Variants in SPAG16 observed in about 807,000 individuals in gnomAD.
The protein encoded by SPAG16 is sperm associated antigen 16, also known as sperm-associated antigen 16 protein.
Under a neutral mutation model 80.4 loss-of-function variants are expected in SPAG16, and 86 were observed. The ratio of observed to expected loss-of-function variants is 1.07; its 90% confidence interval spans 0.90 to 1.28. The LOEUF is 1.28. SPAG16 is among the 50% of genes most tolerant of loss of function. The probability of loss-of-function intolerance (pLI) is 0.00; values close to 1 mark genes in which losing one functional copy is unlikely to be tolerated. For synonymous variants in SPAG16, 294 were observed against 265.9 expected, an observed-to-expected ratio of 1.11 and a Z score of -1.03; for missense variants, 870 against 765.3, an observed-to-expected ratio of 1.14 and a Z score of -1.61.
intron 10 of SPAG16, among the ~76,000 whole-genome samples, chr2:213,788,017 A>G (rs2070449498): frequency 6.6e-6 from 1 of 152,022 alleles, no homozygotes. Context: ...TGTTGTTGAT[A>G]GGACAATTGG....
intron 9 of SPAG16, among the ~76,000 whole-genome samples, chr2:213,435,854 G>A (rs371894831): frequency 9.2e-5 from 14 of 152,234 alleles, no homozygotes; most frequent in African/African-American, 3.4e-4. Flanking sequence ...TAATATATAT[G>A]CCAAGGCTGT....
chr2:213,901,369 C>T (rs10182880), intron 11 of SPAG16, among the ~76,000 whole-genome samples: 2 of 151,828 alleles, frequency 1.3e-5, no homozygotes, highest in African/African-American at 2.4e-5. Flanking sequence ...AAGGCCTGAA[C>T]GCATTTCACC....
chr2:214,375,926 A>G (rs886983077), intron 15 of SPAG16, among the ~76,000 whole-genome samples: 2 of 151,932 alleles, frequency 1.3e-5, no homozygotes, highest in Non-Finnish European at 2.9e-5. Context: ...TTGTTTTACA[A>G]TTGATAGTGT....
intron 15 of SPAG16, among the ~76,000 whole-genome samples, chr2:214,236,325 T>G (rs1689072839): frequency 1.3e-5 from 2 of 152,170 alleles, no homozygotes; most frequent in African/African-American, 4.8e-5. Context: ...GAATTACTAT[T>G]ACAAGGAAAC....
intron 10 of SPAG16, among the ~76,000 whole-genome samples, chr2:213,584,830 A>C (rs935549490): frequency 6.6e-6 from 1 of 152,168 alleles, no homozygotes; most frequent in African/African-American, 2.4e-5. Flanking sequence ...TAGTGAGTCC[A>C]ACTAGCATGC....
intron 10 of SPAG16, among the ~76,000 whole-genome samples, chr2:213,766,042 C>T (rs2068922260): frequency 6.6e-6 from 1 of 152,232 alleles, no homozygotes; most frequent in Admixed American, 6.5e-5. Flanking sequence ...AGCTTCGTGG[C>T]TTTAACGCTA....
intron 15 of SPAG16, among the ~76,000 whole-genome samples, chr2:214,266,771 C>T (rs191542929): frequency 3.3e-5 from 5 of 150,660 alleles, no homozygotes; most frequent in African/African-American, 7.3e-5. Flanking sequence ...TACAAAAAAT[C>T]GGTAATGTTT....
intron 11 of SPAG16, among the ~76,000 whole-genome samples, chr2:213,904,288 AT>A (rs2077343639): frequency 6.6e-6 from 1 of 152,184 alleles, no homozygotes; most frequent in Non-Finnish European, 1.5e-5. Context: ...AAGAGGTTTA[AT>A]TGGACTTACA....
intron 9 of SPAG16, among the ~76,000 whole-genome samples, chr2:213,421,790 G>A (rs1002777953): frequency 3.3e-5 from 5 of 152,148 alleles, no homozygotes; most frequent in African/African-American, 1.2e-4. Flanking sequence ...CCTGCCTGCA[G>A]ATAGGAGCTA....
At chr2:213,616,940 G>GA (rs955389978) in intron 10 of SPAG16, among the ~76,000 whole-genome samples, 10 of 152,146 alleles carry the variant, frequency 6.6e-5, no homozygotes, top group Non-Finnish European at 4.4e-5. Context: ...ACCACAACAT[G>GA]AAAAATCTGT....
intron 10 of SPAG16, among the ~76,000 whole-genome samples, chr2:213,761,872 CAAAAAT>C (rs1210731927): frequency 1.8e-4 from 23 of 129,172 alleles, no homozygotes; most frequent in Non-Finnish European, 3.2e-4. Context: ...TGTCAAAAAA[CAAAAAT>C]AAAAACAAAA....
intron 10 of SPAG16, among the ~76,000 whole-genome samples, chr2:213,579,490 A>T (rs1431925829): frequency 6.6e-6 from 1 of 152,184 alleles, no homozygotes; most frequent in Non-Finnish European, 1.5e-5. Context: ...GACAATTCTC[A>T]TTAATTTTCA....
At chr2:214,310,075 C>G (rs1416177345) in intron 15 of SPAG16, among the ~76,000 whole-genome samples, 1 of 151,518 alleles carries the variant, frequency 6.6e-6, no homozygotes, top group Non-Finnish European at 1.5e-5. Flanking sequence ...GTAGTGTGAT[C>G]TTTTGGAGGT....
chr2:213,643,982 T>A (rs140558437), intron 10 of SPAG16, among the ~76,000 whole-genome samples: 2,525 of 151,128 alleles, frequency 0.017, 68 homozygotes, highest in African/African-American at 0.057. Context: ...AGTTTCACCA[T>A]GTTGGCCAGG....
intron 12 of SPAG16, among the ~76,000 whole-genome samples, chr2:213,997,989 A>G (rs1258426157): frequency 2.6e-5 from 4 of 152,222 alleles, no homozygotes; most frequent in Non-Finnish European, 5.9e-5. Context: ...TAAAGTCAGA[A>G]ATTTCAGTTA....
rs61092508 is a variant in SPAG16, at chr2:213,816,783, T to C, written c.1071-45702T>C. ...CAATGCTATGTTCATGGATTAAAAA[T>C]ATGCATAATTTCATATTTTATTCCC... On this transcript the variant is annotated intron_variant, in intron 10 of 15. Transcript: ENST00000331683. Among the ~76,000 whole-genome samples, 266 of 152,208 alleles carry C rather than the reference T, an allele frequency of 1.7e-3. 2 individuals are homozygous for C. The highest frequency in any genetic ancestry group is 6.0e-3 in the African/African-American group (250 of 41,534).
At chr2:213,299,628 G>A (rs541249565) in intron 3 of SPAG16, among the ~76,000 whole-genome samples, 170 of 152,064 alleles carry the variant, frequency 1.1e-3, no homozygotes, top group Non-Finnish European at 2.1e-3. Flanking sequence ...AAATATTTGA[G>A]AATTGATTGC....
rs183395780 is a variant in SPAG16 at position 213,880,747 on chromosome 2, G to A, written c.1214+18119G>A. Among the ~76,000 whole-genome samples the A allele has an allele frequency of 2.8e-4, 42 of 152,188 alleles. No homozygotes were observed. In the South Asian group the frequency reaches 6.9e-3, roughly 25 times the overall value. On this transcript the variant is annotated intron_variant, in intron 11 of 15. Coordinates refer to ENST00000331683, the MANE Select transcript of SPAG16 (RefSeq NM_024532.5). ...TTACATAGAGAGTCCTTTCCCCATC[G>A]CATATTTTTGTCAGCTTTGTTGAAA...
In SPAG16 at chr2:213,595,188, A is replaced by G. The variant is rs138445263; in HGVS notation, c.1070+105098A>G. 4.9e-4 allele frequency among the ~76,000 whole-genome samples: 74 copies of G among 152,270 alleles called. 1 individual carries two copies. The highest frequency in any genetic ancestry group is 1.7e-3 in the African/African-American group (71 of 41,574). ...TGAAGTATGCAAATGATAGGCTGCT[A>G]TTCCATCAAAATAAAAATAACACAT... On this transcript the variant is annotated intron_variant, in intron 10 of 15. Transcript: ENST00000331683.
Sources: gnomAD v4.1 joint callset for allele counts (sites outside exome capture counted in the v4.1 genomes callset) on GRCh38, gnomAD v4.1.1 for gene constraint, MANE v1.5 for transcripts, NCBI Gene and HGNC (gene_info 2026-07-23, HGNC 2026-07-21) for gene names.